DNAH8: variants seen among roughly 807,000 people sequenced by gnomAD.
DNAH8 encodes axonemal beta dynein heavy chain 8.
DNAH8 carries 382 observed loss-of-function variants against 562.1 expected under a neutral mutation model. That is an observed-to-expected ratio of 0.68 (90% CI 0.63 to 0.74). DNAH8 has a LOEUF of 0.74. DNAH8 is among the 30% of genes least tolerant of loss of function. DNAH8 has a pLI of 0.00. For missense variants in DNAH8, 5,203 were observed against 5,620.4 expected, an observed-to-expected ratio of 0.93 and a Z score of 2.37; for synonymous variants, 1,881 against 1,919.4, an observed-to-expected ratio of 0.98 and a Z score of 0.52.
chr6:38,776,217 C>CTT lies in DNAH8; in HGVS notation c.1962+281_1962+282dup, dbSNP rs200097924. ...CCAAAGGGCTTTTATAGCTAGGATTCTTTTTTTTTTTTTTTTGTGAGATGG... is the reference window on the plus strand; with the variant it reads ...CCAAAGGGCTTTTATAGCTAGGATTCTTTTTTTTTTTTTTTTTTGTGAGATGG... On this transcript the variant is annotated intron_variant, in intron 13 of 92. Coordinates refer to ENST00000327475, the MANE Select transcript of DNAH8 (RefSeq NM_001206927.2). Among the ~76,000 whole-genome samples the CTT allele has an allele frequency of 1.1e-3, 152 of 137,174 alleles. 1 individual carries two copies. Among genetic ancestry groups the CTT allele is most frequent in the African/African-American group, 2.7e-3 (100 of 37,040 alleles). 90.0% of individuals were successfully genotyped at this position (137,174 alleles called of 152,430 possible). A position where few individuals can be genotyped will look rare whatever the true frequency, so the allele number is the denominator to read the frequency against.
chr6:39,005,004 G>A (rs780025906), intron 88 of DNAH8, among the ~76,000 whole-genome samples: 1 of 152,178 alleles, frequency 6.6e-6, no homozygotes, highest in Non-Finnish European at 1.5e-5. Flanking sequence ...TCTTTGTGTG[G>A]ACATGTCTTT....
chr6:38,722,676 A>G, intron 1 of DNAH8, 100 bp from the exon 2 acceptor site: 1 of 984,340 alleles, frequency 1.0e-6, no homozygotes, highest in South Asian at 1.8e-5. Context: ...GCAAGGGAGA[A>G]CTTAATGATT....
intron 30 of DNAH8, among the ~76,000 whole-genome samples, chr6:38,829,316 G>A (rs1209497252): frequency 6.6e-6 from 1 of 152,038 alleles, no homozygotes; most frequent in East Asian, 1.9e-4. Context: ...GTCTTTTGAT[G>A]CACAAAGTTT....
At position 38,973,670 on chromosome 6, in the gene DNAH8, G is replaced by A; in HGVS notation, c.12535G>A (p.Val4179Ile). The A allele has an allele frequency of 1.3e-6, 2 of 1,598,358 alleles. No homozygotes were observed. The highest frequency in any genetic ancestry group is 1.7e-6 in the Non-Finnish European group (2 of 1,174,516). ...IQMSMQQGGWVLLQNCHLGLE... is the reference protein window; with the variant it reads ...IQMSMQQGGWILLQNCHLGLE... ...TTATTTTTGGATACAGGGTGGTTGG[G>A]TATTACTACAAAATTGCCACCTTGG... is the stretch of plus-strand genomic sequence containing the variant. Residue 4179 changes from valine (V) to isoleucine (I), a missense_variant, in exon 84 of 93, where the codon GTA becomes ATA. This residue lies in a region of DNAH8 where 1,399 missense variants were observed against 1,518.4 expected (regional missense o/e 0.92). Transcript: ENST00000327475.
chr6:38,972,067 A>C (rs1259321948), intron 83 of DNAH8: 1 of 156,232 alleles, frequency 6.4e-6, no homozygotes, highest in Non-Finnish European at 1.4e-5. Context: ...CATTTCAGGC[A>C]AAGAAGGAAT....
In DNAH8 at chr6:38,917,930, G is replaced by C. The variant is rs1380746101; in HGVS notation, c.10314G>C (p.Met3438Ile). ...GTTATAATACTATTTTTCAGTTGAT[G>C]AGTGCAACAGGATTCCTGTGGAGCC... ...KPSWGESLKLMSATGFLWSLQ... is the reference protein window; with the variant it reads ...KPSWGESLKLISATGFLWSLQ... The change falls in exon 70 of 93, where the codon ATG becomes ATC. Residue 3438 changes from methionine (M) to isoleucine (I), a missense_variant. Transcript: ENST00000327475. 1 of 1,605,912 alleles carries C rather than the reference G, an allele frequency of 6.2e-7. No homozygotes were observed. The highest frequency in any genetic ancestry group is 1.7e-5 in the Admixed American group (1 of 58,946).
At position 38,873,811 on chromosome 6, in the gene DNAH8, A is replaced by AAAAT. The variant is rs1777683424; in HGVS notation, c.7620+446_7620+449dup. Among the ~76,000 whole-genome samples the AAAAT allele has an allele frequency of 2.2e-5, 3 of 136,116 alleles. No individual in the cohort carries two copies. The South Asian group carries it at 8.0e-4, about 36-fold the overall frequency. The allele number at this position is 136,116 out of a possible 152,430, so 89.3% of individuals were successfully genotyped here. On this transcript the variant is annotated intron_variant, in intron 52 of 92. Transcript: ENST00000327475. ...GGGCGACAGAGTGAGACCCTGTCTC[A>AAAAT]AAATAAATAAATAAGTAAATAAAAA...
In DNAH8 at chr6:38,945,466, G is replaced by C. The variant is rs1761330051; in HGVS notation, c.12008-1G>C. 6.2e-7 allele frequency: 1 copy of C among 1,613,992 alleles called. No individual in the cohort carries two copies. On this transcript the variant is annotated splice_acceptor_variant, in intron 79 of 92. Coordinates refer to ENST00000327475, the MANE Select transcript of DNAH8 (RefSeq NM_001206927.2). LOFTEE classifies it high-confidence loss of function. ...TCACCCTGTCTGACGCTCTTCCCCA[G>C]GGGGAGCAGCTCTGGACCTGAAAGC...
intron 21 of DNAH8, among the ~76,000 whole-genome samples, chr6:38,797,672 G>A (rs1022633781): frequency 6.6e-6 from 1 of 152,142 alleles, no homozygotes; most frequent in Non-Finnish European, 1.5e-5. Context: ...TGAAACCTAA[G>A]TTGCAATTCA....
chr6:38,893,027 T>G (rs1438962887), intron 58 of DNAH8, among the ~76,000 whole-genome samples: 1 of 152,214 alleles, frequency 6.6e-6, no homozygotes, highest in Non-Finnish European at 1.5e-5. Context: ...TATCATTATT[T>G]GCATATTTAC....
rs1782107085 is a variant in DNAH8 at position 38,926,202 on chromosome 6, G to C, written c.11110G>C (p.Asp3704His). The C allele has an allele frequency of 6.2e-7, 1 of 1,613,312 alleles. No individual in the cohort carries two copies. Among genetic ancestry groups the C allele is most frequent in the African/African-American group, 1.3e-5 (1 of 74,980 alleles). ...TWIKSKEKENDLQVTSLNHKY... is the reference protein window; with the variant it reads ...TWIKSKEKENHLQVTSLNHKY... ...GATTAAATCAAAGGAAAAAGAAAAT[G>C]ATTTACAGGTATGTAGCATTTGGTG... The change falls in exon 74 of 93, where the codon GAT becomes CAT. Residue 3704 changes from aspartate to histidine, a missense_variant. Transcript: ENST00000327475.
chr6:39,028,672 C>A (rs1767459969), intron 92 of DNAH8, among the ~76,000 whole-genome samples: 1 of 152,202 alleles, frequency 6.6e-6, no homozygotes, highest in Non-Finnish European at 1.5e-5. Flanking sequence ...ATCTACCACA[C>A]CTTCTCACTG....
In DNAH8 at chr6:38,868,175, A is replaced by C. The variant is rs754301957; in HGVS notation, c.6807A>C (p.Arg2269Ser). 1.2e-6 allele frequency: 2 copies of C among 1,609,856 alleles called. No individual in the cohort carries two copies. The highest frequency in any genetic ancestry group is 2.2e-5 in the East Asian group (1 of 44,836). ...TAAGCATTGTCATGAGAGGACTAAG[A>C]GATATGAACCTTTCCAAACTGGTAT... ...SELSIVMRGL[R>S]DMNLSKLVDE... Residue 2269 changes from arginine (R) to serine (S), a missense_variant, in exon 48 of 93, where the codon AGA (arginine) becomes AGC (serine). Transcript: ENST00000327475.
At position 38,951,458 on chromosome 6, in the gene DNAH8, T is replaced by C. The variant is rs1207279243; in HGVS notation, c.12389T>C (p.Phe4130Ser). 4 of 1,614,036 alleles carry C rather than the reference T, an allele frequency of 2.5e-6. No homozygotes were observed. Among genetic ancestry groups the C allele is most frequent in the African/African-American group, 1.3e-5 (1 of 74,912 alleles). ...ESDTRTPLIC[F>S]LSMGSDPTNQ... ...GATACCCGGACACCTCTGATATGCT[T>C]CCTGTCCATGGGATCTGACCCCACC... The change falls in exon 82 of 93, where the codon TTC (phenylalanine) becomes TCC (serine). Residue 4130 changes from phenylalanine to serine, a missense_variant. Physicochemically the swap from Phe to Ser is radical, Grantham distance 155 (BLOSUM62 -2). Around this residue, in one of 6 missense-constraint regions of DNAH8, gnomAD observed 1,399 missense variants for 1,518.4 expected, o/e 0.92. Transcript: ENST00000327475.
chr6:38,928,269 A>G (rs769323026), intron 74 of DNAH8: 1 of 152,232 alleles, frequency 6.6e-6, no homozygotes, highest in Non-Finnish European at 1.5e-5. Flanking sequence ...ATACTATTTC[A>G]AGTTTCTAAA....
chr6:38,853,189 G>T lies in DNAH8; in HGVS notation c.5575G>T (p.Asp1859Tyr). The T allele has an allele frequency of 6.3e-7, 1 of 1,594,006 alleles. No individual in the cohort carries two copies. The highest frequency in any genetic ancestry group is 8.5e-7 in the Non-Finnish European group (1 of 1,174,026). Residue 1859 changes from aspartate (D) to tyrosine (Y), a missense_variant, in exon 41 of 93, where the codon GAT becomes TAT. Transcript: ENST00000327475. The part of the protein sequence containing the change: ...ISREGEKIVL[D>Y]NSVMAKGPVE... ...TATCCTTGTAATTTTGTTTTAGTTG[G>T]ATAATTCTGTTATGGCCAAAGGTCC...
intron 57 of DNAH8, among the ~76,000 whole-genome samples, 188 bp from the exon 58 acceptor site, chr6:38,890,464 A>G (rs1779265595): frequency 6.6e-6 from 1 of 152,174 alleles, no homozygotes; most frequent in South Asian, 2.1e-4. Flanking sequence ...CAATACATAT[A>G]AAACACTTAT....
chr6:38,948,103 C>T (rs1435962344), intron 80 of DNAH8, among the ~76,000 whole-genome samples: 3 of 151,944 alleles, frequency 2.0e-5, no homozygotes, highest in African/African-American at 7.2e-5. Context: ...AACTGAGTTG[C>T]AGAATAACTG....
chr6:38,821,563 A>G (rs893931140), intron 26 of DNAH8, among the ~76,000 whole-genome samples: 4 of 152,114 alleles, frequency 2.6e-5, no homozygotes, highest in African/African-American at 7.2e-5. Flanking sequence ...ACTTACCACT[A>G]CTTGGTTTTA....
Sources: allele counts gnomAD v4.1 joint callset (sites outside exome capture counted in the v4.1 genomes callset), GRCh38; gene constraint gnomAD v4.1.1; regional missense constraint gnomAD v4.1.1; transcripts MANE v1.5; gene names NCBI Gene and HGNC (gene_info 2026-07-23, HGNC 2026-07-21).